SGCD: variants seen among roughly 807,000 people sequenced by gnomAD.
SGCD encodes the protein delta-sarcoglycan.
Under a neutral mutation model 36.6 loss-of-function variants are expected in SGCD, and 18 were observed. The observed-to-expected ratio is 0.49, with a 90% CI of 0.34 to 0.73. SGCD has a LOEUF of 0.73. Ranked by LOEUF, SGCD falls within the 30% of genes least tolerant of loss-of-function variation. The probability of loss-of-function intolerance (pLI) is 0.01; values close to 1 mark genes in which losing one functional copy is unlikely to be tolerated. For missense variants in SGCD, 387 were observed against 346.7 expected (o/e 1.12, Z -0.92); for synonymous variants, 133 against 130.6 (o/e 1.02, Z -0.12).
Position 156,749,448 on chromosome 5 carries a change from G to T in SGCD, c.576-8133G>T, listed in dbSNP as rs112237246. On this transcript the variant is annotated intron_variant, in intron 7 of 8. Transcript: ENST00000337851. ...ATGAACTAAACATAAAAATAGATCA[G>T]ATTGACAAACCCAAAAGTTAGCTCC... 5.2e-3 allele frequency among the ~76,000 whole-genome samples: 793 copies of T among 152,142 alleles called. 5 individuals are homozygous for T. The highest frequency in any genetic ancestry group is 0.018 in the African/African-American group (733 of 41,524).
At chr5:156,244,499 G>T (rs576645756) in intron 3 of SGCD, among the ~76,000 whole-genome samples, 1 of 152,298 alleles carries the variant, frequency 6.6e-6, no homozygotes, top group East Asian at 1.9e-4. Context: ...ACACATTAAA[G>T]TATAGCGTGG....
intron 1 of SGCD, among the ~76,000 whole-genome samples, chr5:155,983,477 T>A (rs1758269235): frequency 6.6e-6 from 1 of 152,250 alleles, no homozygotes; most frequent in East Asian, 1.9e-4. Flanking sequence ...TTTTTGTATT[T>A]TTAGTAGAGA....
chr5:156,141,701 T>A (rs10053788), intron 3 of SGCD, among the ~76,000 whole-genome samples: 10,305 of 152,118 alleles, frequency 0.068, 671 homozygotes, highest in African/African-American at 0.17. Context: ...AAGAGAAGTG[T>A]TTGAATTTAC....
intron 3 of SGCD, among the ~76,000 whole-genome samples, chr5:156,376,974 TA>T (rs1001482046): frequency 5.3e-4 from 80 of 151,704 alleles, no homozygotes; most frequent in African/African-American, 1.6e-3. Context: ...TAATCATCAA[TA>T]AAAAAAATGA....
chr5:156,384,979 A>C (rs1461535795), intron 3 of SGCD, among the ~76,000 whole-genome samples: 1 of 152,180 alleles, frequency 6.6e-6, no homozygotes, highest in African/African-American at 2.4e-5. Context: ...GCGAAAGCAC[A>C]CCAATGCTGG....
intron 6 of SGCD, among the ~76,000 whole-genome samples, chr5:156,615,420 G>T (rs1761983088): frequency 6.6e-6 from 1 of 152,100 alleles, no homozygotes. Flanking sequence ...TTTTAATTAA[G>T]TACAAAGCTA....
At chr5:156,031,876 T>C (rs1759355225) in intron 1 of SGCD, among the ~76,000 whole-genome samples, 1 of 152,246 alleles carries the variant, frequency 6.6e-6, no homozygotes, top group African/African-American at 2.4e-5. Flanking sequence ...GCCTACATTA[T>C]GGCACCTCAT....
intron 1 of SGCD, among the ~76,000 whole-genome samples, chr5:155,940,287 A>G (rs558286040): frequency 7.8e-4 from 118 of 152,182 alleles, no homozygotes; most frequent in African/African-American, 2.7e-3. Context: ...TTTAGCGTAA[A>G]CCAGTGTAAC....
At chr5:156,673,827 TC>T (rs1753402166) in intron 7 of SGCD, among the ~76,000 whole-genome samples, 2 of 152,216 alleles carry the variant, frequency 1.3e-5, no homozygotes, top group Admixed American at 6.5e-5. Context: ...ATGACATTCT[TC>T]AGATAGATTT....
intron 3 of SGCD, among the ~76,000 whole-genome samples, chr5:156,359,958 C>A (rs1769698806): frequency 6.6e-6 from 1 of 152,194 alleles, no homozygotes; most frequent in South Asian, 2.1e-4. Context: ...TCCTCTCAGT[C>A]CAGACTTCTC....
intron 1 of SGCD, among the ~76,000 whole-genome samples, chr5:156,105,632 A>G (rs189222128): frequency 6.6e-6 from 1 of 152,350 alleles, no homozygotes; most frequent in East Asian, 1.9e-4. Flanking sequence ...GCTTCATTAC[A>G]AAAACATGAA....
chr5:156,543,219 C>T (rs1265720517), intron 4 of SGCD, among the ~76,000 whole-genome samples: 8 of 152,162 alleles, frequency 5.3e-5, no homozygotes, highest in Non-Finnish European at 1.2e-4. Context: ...GTGGTTTCTA[C>T]TCAGTATGTG....
chr5:156,115,417 G>T lies in SGCD; in HGVS notation c.-281-2461G>T, dbSNP rs186340158. Reference sequence around the variant, plus strand: ...ATCTACCCATAAGCAAACCTCAAAGGTTTCTAGTTCATGGACAGTCTTGTA... The same window carrying T: ...ATCTACCCATAAGCAAACCTCAAAGTTTTCTAGTTCATGGACAGTCTTGTA... On this transcript the variant is annotated intron_variant, in intron 1 of 9. Transcript: ENST00000517913. Among the ~76,000 whole-genome samples, 763 of 152,026 alleles carry T rather than the reference G, an allele frequency of 5.0e-3. 5 individuals are homozygous for T. The highest frequency in any genetic ancestry group is 0.018 in the African/African-American group (738 of 41,500).
chr5:156,490,466 A>G (rs1191309734), intron 3 of SGCD, among the ~76,000 whole-genome samples: 1 of 139,806 alleles, frequency 7.2e-6, no homozygotes, highest in Non-Finnish European at 1.5e-5. Context: ...ACAAAATACT[A>G]GTAAACCGAA....
chr5:156,121,213 C>T (rs1762032165), intron 2 of SGCD, among the ~76,000 whole-genome samples: 1 of 152,004 alleles, frequency 6.6e-6, no homozygotes, highest in African/African-American at 2.4e-5. Flanking sequence ...AAATGTCATG[C>T]AGAATATAAG....
At chr5:156,037,169 CAT>C (rs1210635319) in intron 1 of SGCD, among the ~76,000 whole-genome samples, 1 of 152,142 alleles carries the variant, frequency 6.6e-6, no homozygotes, top group East Asian at 1.9e-4. Flanking sequence ...GATGGAAAAA[CAT>C]GTGGAATTGT....
intron 7 of SGCD, among the ~76,000 whole-genome samples, chr5:156,672,669 G>C (rs888172721): frequency 6.6e-6 from 1 of 151,966 alleles, no homozygotes; most frequent in Non-Finnish European, 1.5e-5. Context: ...CTCTCCCTTC[G>C]TCCCTTCATC....
intron 1 of SGCD, among the ~76,000 whole-genome samples, chr5:156,048,907 T>C (rs1182656601): frequency 6.6e-6 from 1 of 152,032 alleles, no homozygotes; most frequent in East Asian, 1.9e-4. Flanking sequence ...CCCATGCCTA[T>C]GTCCTGAATG....
intron 3 of SGCD, among the ~76,000 whole-genome samples, chr5:156,469,700 A>T (rs1329984717): frequency 1.3e-5 from 2 of 152,198 alleles, no homozygotes; most frequent in South Asian, 4.1e-4. Flanking sequence ...AGGGTAACAC[A>T]CTGTCATTGC....
Sources: gnomAD v4.1 joint callset for allele counts (sites outside exome capture counted in the v4.1 genomes callset) on GRCh38, gnomAD v4.1.1 for gene constraint, MANE v1.5 for transcripts, NCBI Gene and HGNC (gene_info 2026-07-23, HGNC 2026-07-21) for gene names.